The following SPON1 variants were observed in gnomAD, a reference collection of about 807,000 sequenced individuals.
SPON1 encodes the protein spondin 1.
In SPON1, 52 loss-of-function variants were observed where a neutral mutation model predicts 111.7. The observed-to-expected ratio is 0.47, with a 90% CI of 0.37 to 0.59. SPON1 has a LOEUF of 0.59. Ranked by LOEUF, SPON1 falls within the 20% of genes least tolerant of loss-of-function variation. The pLI, the probability that SPON1 is intolerant of heterozygous loss-of-function variation, is 0.00. For synonymous variants in SPON1, 410 were observed against 395.8 expected, an observed-to-expected ratio of 1.04 and a Z score of -0.43; for missense variants, 957 against 1,068.5, an observed-to-expected ratio of 0.90 and a Z score of 1.46.
rs1051759722 is a variant in SPON1 at position 14,010,760 on chromosome 11, A to G, written c.345+27807A>G. Reference sequence around the variant, plus strand: ...ATGATCTTTCTTTTCTAGGTGCAATATTAAGTTGGACTCATATCCTAGGCC... The same window carrying G: ...ATGATCTTTCTTTTCTAGGTGCAATGTTAAGTTGGACTCATATCCTAGGCC... On this transcript the variant is annotated intron_variant, in intron 2 of 15. Transcript: ENST00000576479. Among the ~76,000 whole-genome samples, 6 of 152,202 alleles carry G rather than the reference A, an allele frequency of 3.9e-5. No individual in the cohort carries two copies. In the South Asian group the frequency reaches 1.0e-3, roughly 26 times the overall value.
chr11:14,032,636 G>C (rs943537681), intron 2 of SPON1, among the ~76,000 whole-genome samples: 1 of 152,182 alleles, frequency 6.6e-6, no homozygotes. Flanking sequence ...GACCCAGAGA[G>C]GTCAAGTAGC....
In SPON1 at chr11:14,200,814, T is replaced by TAA. The variant is rs572814576; in HGVS notation, c.826-42486_826-42485dup. ...TGGGTGACAGAGCAAGACCCTGTCT[T>TAA]AAAAAAAAAAAAAAAAAAAAAAAAA... is the stretch of plus-strand genomic sequence containing the variant. On this transcript the variant is annotated intron_variant, in intron 6 of 15. Transcript: ENST00000576479. Among the ~76,000 whole-genome samples, 458 of 79,294 alleles carry TAA rather than the reference T, an allele frequency of 5.8e-3. 10 individuals are homozygous for TAA. The highest frequency in any genetic ancestry group is 0.018 in the African/African-American group (311 of 17,544). 52.0% of individuals were successfully genotyped at this position (79,294 alleles called of 152,430 possible).
chr11:14,171,292 A>G (rs572612770), intron 6 of SPON1, among the ~76,000 whole-genome samples: 1,924 of 152,208 alleles, frequency 0.013, 41 homozygotes, highest in African/African-American at 0.044. Flanking sequence ...AGAGGTGTTT[A>G]TAGTATTCTC....
At chr11:14,090,824 G>GCCCCCCCCCCCCCCCC (rs1176498162) in intron 5 of SPON1, among the ~76,000 whole-genome samples, 1 of 45,580 alleles carries the variant, frequency 2.2e-5, no homozygotes, top group African/African-American at 9.8e-5. Context: ...CTCTTATCTG[G>GCCCCCCCCCCCCCCCC]CCCCCCCCCC....
rs1848106280 is a variant in SPON1, at chr11:14,171,914, ATG to A, written c.825+36349_825+36350del. Among the ~76,000 whole-genome samples, 3 of 152,324 alleles carry A rather than the reference ATG, an allele frequency of 2.0e-5. No homozygotes were observed. In the South Asian group the frequency reaches 6.2e-4, roughly 32 times the overall value. On this transcript the variant is annotated intron_variant, in intron 6 of 15. Transcript: ENST00000576479. ...GCTGAGGAGTGTTTTACTTCCAACTATGTGGTCAATTTTGGAATAAGTGTGGT... is the reference window on the plus strand; with the variant it reads ...GCTGAGGAGTGTTTTACTTCCAACTATGGTCAATTTTGGAATAAGTGTGGT...
chr11:14,241,664 A>C (rs1554939693), intron 6 of SPON1, among the ~76,000 whole-genome samples: 1 of 152,068 alleles, frequency 6.6e-6, no homozygotes, highest in African/African-American at 2.4e-5. Flanking sequence ...CTGGAGGAAA[A>C]CCAGGTCTGG....
At chr11:14,099,904 A>G (rs1374950557) in intron 5 of SPON1, among the ~76,000 whole-genome samples, 1 of 151,884 alleles carries the variant, frequency 6.6e-6, no homozygotes, top group African/African-American at 2.4e-5. Flanking sequence ...GAGGTGCCAC[A>G]CTCTTCCAAA....
chr11:13,974,487 A>C (rs1162271842), intron 1 of SPON1, among the ~76,000 whole-genome samples: 25 of 152,210 alleles, frequency 1.6e-4, no homozygotes, highest in Non-Finnish European at 8.8e-5. Flanking sequence ...ATAGTTTATT[A>C]GAGTTTTTGT....
chr11:14,180,596 C>A (rs1278735252), intron 6 of SPON1, among the ~76,000 whole-genome samples: 1 of 152,184 alleles, frequency 6.6e-6, no homozygotes, highest in Non-Finnish European at 1.5e-5. Context: ...TTCTATCGCA[C>A]CCTGTTTTAA....
intron 3 of SPON1, among the ~76,000 whole-genome samples, chr11:14,060,454 G>A (rs1848783040): frequency 1.3e-5 from 2 of 152,148 alleles, no homozygotes; most frequent in Non-Finnish European, 2.9e-5. Flanking sequence ...CTTAACAGCT[G>A]AACTTGAGCA....
At position 14,219,132 on chromosome 11, in the gene SPON1, C is replaced by T. The variant is rs529979619; in HGVS notation, c.826-24200C>T. 7.9e-5 allele frequency among the ~76,000 whole-genome samples: 12 copies of T among 152,294 alleles called. No homozygotes were observed. In the South Asian group the frequency reaches 2.5e-3, roughly 32 times the overall value. On this transcript the variant is annotated intron_variant, in intron 6 of 15. Coordinates refer to ENST00000576479, the MANE Select transcript of SPON1 (RefSeq NM_006108.4). ...TGTCCCCCACCCACTGCCACCTATGCTGTCAGCCATTCATCTAACCCACTT... is the reference window on the plus strand; with the variant it reads ...TGTCCCCCACCCACTGCCACCTATGTTGTCAGCCATTCATCTAACCCACTT...
intron 2 of SPON1, among the ~76,000 whole-genome samples, chr11:14,031,281 C>T (rs1412941923): frequency 2.6e-5 from 4 of 152,202 alleles, no homozygotes; most frequent in Non-Finnish European, 4.4e-5. Flanking sequence ...TGGGATCATT[C>T]GTAACAAACC....
chr11:14,125,244 CAA>C (rs1847441744), intron 5 of SPON1, among the ~76,000 whole-genome samples: 1 of 152,226 alleles, frequency 6.6e-6, no homozygotes, highest in African/African-American at 2.4e-5. Context: ...ATGAAAATAA[CAA>C]GGGCAAGAGG....
At chr11:13,980,804 G>A (rs998202219) in intron 1 of SPON1, among the ~76,000 whole-genome samples, 4 of 152,042 alleles carry the variant, frequency 2.6e-5, no homozygotes, top group East Asian at 1.9e-4. Context: ...GAATATATTC[G>A]GTTTGTGAAG....
chr11:14,036,966 A>T (rs1848599097), intron 2 of SPON1, among the ~76,000 whole-genome samples: 2 of 152,192 alleles, frequency 1.3e-5, no homozygotes, highest in African/African-American at 2.4e-5. Flanking sequence ...GAAAATACAC[A>T]GAACTGGGTT....
chr11:14,099,349 A>T (rs1413759703), intron 5 of SPON1, among the ~76,000 whole-genome samples: 1 of 152,104 alleles, frequency 6.6e-6, no homozygotes, highest in Non-Finnish European at 1.5e-5. Flanking sequence ...ACTTTTATAT[A>T]TACTGTTCCC....
intron 6 of SPON1, among the ~76,000 whole-genome samples, chr11:14,222,354 ATCT>A (rs1352629252): frequency 6.6e-6 from 1 of 152,208 alleles, no homozygotes; most frequent in African/African-American, 2.4e-5. Context: ...GCACTTTAAC[ATCT>A]TCTTGAGCTG....
rs1554941003 is a variant in SPON1 at position 14,254,743 on chromosome 11, C to T, written c.1092+14C>T. The T allele has an allele frequency of 3.1e-6, 5 of 1,609,930 alleles. No homozygotes were observed. Among genetic ancestry groups the T allele is most frequent in the Admixed American group, 3.3e-5 (2 of 59,872 alleles). ...GTGACCTATGAGGTGTGTGTGTGTGCCTGGAGTGGTGAGTGGCTCCTTGCC... is the reference window on the plus strand; with the variant it reads ...GTGACCTATGAGGTGTGTGTGTGTGTCTGGAGTGGTGAGTGGCTCCTTGCC... On this transcript the variant is annotated intron_variant, in intron 8 of 15. Coordinates refer to ENST00000576479, the MANE Select transcript of SPON1 (RefSeq NM_006108.4).
chr11:14,133,896 G>A (rs1033830856), intron 5 of SPON1, among the ~76,000 whole-genome samples: 5 of 152,186 alleles, frequency 3.3e-5, no homozygotes, highest in Admixed American at 2.6e-4. Context: ...TGCCTGGGGT[G>A]GGCCGTGGCT....
Sources: allele counts gnomAD v4.1 joint callset (sites outside exome capture counted in the v4.1 genomes callset), GRCh38; gene constraint gnomAD v4.1.1; transcripts MANE v1.5; gene names NCBI Gene and HGNC (gene_info 2026-07-23, HGNC 2026-07-21).